Variants in RP1 observed in about 807,000 individuals in gnomAD.
RP1 encodes RP1 axonemal microtubule associated, also known as oxygen-regulated protein 1.
In RP1, 16 loss-of-function variants were observed where a neutral mutation model predicts 14.8. The ratio of observed to expected loss-of-function variants is 1.08; its 90% confidence interval spans 0.73 to 1.65. The LOEUF (loss-of-function observed/expected upper bound fraction) is 1.65. Ranked by LOEUF, RP1 falls within the 40% of genes most tolerant of loss-of-function variation. The pLI is 0.00. For missense variants in RP1, 2,631 were observed against 2,535.0 expected, an observed-to-expected ratio of 1.04 and a Z score of -0.81; for synonymous variants, 876 against 883.6, an observed-to-expected ratio of 0.99 and a Z score of 0.15.
At chr8:54,664,356 TA>T (rs1234593541) in intron 7 of RP1, among the ~76,000 whole-genome samples, 4 of 152,186 alleles carry the variant, frequency 2.6e-5, no homozygotes, top group Non-Finnish European at 5.9e-5. Flanking sequence ...ACTGTGTACA[TA>T]GGGGTGCAGA....
intron 27 of RP1, among the ~76,000 whole-genome samples, chr8:54,862,924 T>A (rs1211664690): frequency 6.6e-6 from 1 of 151,982 alleles, no homozygotes; most frequent in African/African-American, 2.4e-5. Context: ...TAGTGTTATT[T>A]TTAATGGCTG....
At chr8:54,669,421 T>G (rs1226484774) in intron 7 of RP1, among the ~76,000 whole-genome samples, 1 of 152,168 alleles carries the variant, frequency 6.6e-6, no homozygotes, top group Non-Finnish European at 1.5e-5. Flanking sequence ...ACTTTTACAA[T>G]GTTGGTGGGA....
In RP1 at chr8:54,625,193, A is replaced by T. The variant is rs1199842713; in HGVS notation, c.1311A>T (p.Gly437=). ...NATVDTDIIQ[G]TQDQAKHRFY... ...CTGTGGACACAGATATCATCCAGGG[A>T]ACTCAAGACCAAGCAAAGCATCGTT... The change falls in exon 4 of 4, where the codon GGA becomes GGT. Residue 437 remains glycine (G), a synonymous_variant. Transcript: ENST00000220676. The T allele has an allele frequency of 1.2e-5, 20 of 1,614,020 alleles. No individual in the cohort carries two copies. The highest frequency in any genetic ancestry group is 1.7e-5 in the Non-Finnish European group (20 of 1,180,038).
At chr8:54,753,761 A>G (rs1809433547) in intron 19 of RP1, among the ~76,000 whole-genome samples, 2 of 152,190 alleles carry the variant, frequency 1.3e-5, no homozygotes, top group African/African-American at 4.8e-5. Context: ...TGCAGTGTGC[A>G]AAATGATCAG....
At chr8:54,733,954 C>T (rs1178290365) in intron 17 of RP1, among the ~76,000 whole-genome samples, 2 of 152,258 alleles carry the variant, frequency 1.3e-5, no homozygotes, top group East Asian at 3.9e-4. Context: ...AACACAAGTG[C>T]TTTGCATCCC....
intron 22 of RP1, among the ~76,000 whole-genome samples, chr8:54,760,793 C>A (rs1452690325): frequency 6.6e-6 from 1 of 152,198 alleles, no homozygotes; most frequent in South Asian, 2.1e-4. Flanking sequence ...GCTCTCTTCT[C>A]CCCATTATAA....
chr8:54,578,637 A>G (rs1425387079), intron 1 of RP1, among the ~76,000 whole-genome samples: 1 of 152,352 alleles, frequency 6.6e-6, no homozygotes, highest in Middle Eastern at 3.4e-3. Context: ...TAAAATTTCT[A>G]ATGAAGGTCC....
rs141726278 is a variant in RP1 at position 54,619,246 on chromosome 8, C to G, written c.-12-1709C>G. The stretch of plus-strand genomic sequence containing the variant: ...GGCTGATCTTCAAATGTTTTTTTTT[C>G]TAAGTTACATTTAAATAAGATTTGC... On this transcript the variant is annotated intron_variant, in intron 1 of 3. Transcript: ENST00000220676. Among the ~76,000 whole-genome samples, 4 of 151,698 alleles carry G rather than the reference C, an allele frequency of 2.6e-5. No individual in the cohort carries two copies. In the East Asian group the frequency reaches 7.7e-4, roughly 29 times the overall value.
At chr8:54,695,245 G>A (rs1807830260) in intron 12 of RP1, among the ~76,000 whole-genome samples, 1 of 151,420 alleles carries the variant, frequency 6.6e-6, no homozygotes, top group Non-Finnish European at 1.5e-5. Flanking sequence ...TCTTAAAATC[G>A]GGACCCTTAA....
chr8:54,628,554 A>C lies in RP1; in HGVS notation c.4672A>C (p.Lys1558Gln). ...AAAGGAGACCAATGAAGGAGAAACT[A>C]AGATGGTAAAAATGATGGTGAAAAC... is the stretch of plus-strand genomic sequence containing the variant. ...SEKETNEGET[K>Q]MVKMMVKTME... The change falls in exon 4 of 4, where the codon AAG becomes CAG. Residue 1558 changes from lysine to glutamine, a missense_variant. Lys to Gln is a moderately conservative substitution (Grantham distance 53, BLOSUM62 1). Transcript: ENST00000220676. 2 of 1,614,038 alleles carry C rather than the reference A, an allele frequency of 1.2e-6. No individual in the cohort carries two copies. The highest frequency in any genetic ancestry group is 1.7e-6 in the Non-Finnish European group (2 of 1,179,928).
chr8:54,559,955 T>C (rs7827437), intron 1 of RP1, among the ~76,000 whole-genome samples: 94,539 of 152,076 alleles, frequency 0.62, 30,169 homozygotes, highest in Non-Finnish European at 0.7. Context: ...CTCTGTGGTT[T>C]CTAACTTGGA....
intron 24 of RP1, among the ~76,000 whole-genome samples, chr8:54,832,835 G>C (rs528273476): frequency 6.6e-6 from 1 of 152,064 alleles, no homozygotes; most frequent in South Asian, 2.1e-4. Context: ...TTAGTCTTGA[G>C]AGAATCTTTT....
chr8:54,782,622 T>G (rs1810216954), intron 23 of RP1, among the ~76,000 whole-genome samples: 1 of 151,976 alleles, frequency 6.6e-6, no homozygotes, highest in Admixed American at 6.6e-5. Context: ...CTGCACAGAG[T>G]TCTAACTGGC....
chr8:54,653,226 A>G (rs946279724), intron 5 of RP1, among the ~76,000 whole-genome samples: 5 of 152,214 alleles, frequency 3.3e-5, no homozygotes, highest in Non-Finnish European at 7.3e-5. Context: ...ATAATAGTCT[A>G]CTAGAATTGA....
At chr8:54,609,886 TC>T (rs1805551682) in intron 1 of RP1, among the ~76,000 whole-genome samples, 1 of 152,222 alleles carries the variant, frequency 6.6e-6, no homozygotes, top group Non-Finnish European at 1.5e-5. Flanking sequence ...AGCTCCCTGC[TC>T]TTACCCACAG....
chr8:54,810,389 T>C (rs533804003), intron 24 of RP1, among the ~76,000 whole-genome samples: 4 of 152,316 alleles, frequency 2.6e-5, no homozygotes, highest in South Asian at 2.1e-4. Flanking sequence ...ACTTTGTAAA[T>C]AGATTTTTTA....
intron 21 of RP1, among the ~76,000 whole-genome samples, chr8:54,757,445 G>A (rs149026076): frequency 4.0e-4 from 61 of 152,286 alleles, no homozygotes; most frequent in African/African-American, 1.3e-3. Flanking sequence ...CTTCAGTGAG[G>A]GTAATTTATC....
intron 5 of RP1, among the ~76,000 whole-genome samples, chr8:54,655,441 A>C (rs1286326541): frequency 6.6e-6 from 1 of 151,972 alleles, no homozygotes. Flanking sequence ...CTCCAGGATA[A>C]ATGGATCAGG....
intron 19 of RP1, among the ~76,000 whole-genome samples, chr8:54,748,752 C>T (rs562253047): frequency 2.0e-5 from 3 of 152,278 alleles, no homozygotes; most frequent in East Asian, 3.9e-4. Context: ...ACTATAAATA[C>T]GTTGTGTCCA....
Sources: gnomAD v4.1 joint callset for allele counts (sites outside exome capture counted in the v4.1 genomes callset) on GRCh38, gnomAD v4.1.1 for gene constraint, MANE v1.5 for transcripts, NCBI Gene and HGNC (gene_info 2026-07-23, HGNC 2026-07-21) for gene names.